CUX2: variants seen among roughly 807,000 people sequenced by gnomAD.
CUX2 encodes cut like homeobox 2.
In CUX2, 40 loss-of-function variants were observed where a neutral mutation model predicts 144.8. The observed-to-expected ratio is 0.28, with a 90% CI of 0.21 to 0.36. CUX2 has a LOEUF of 0.36. CUX2 is among the 10% of genes least tolerant of loss of function. The pLI is 1.00. For synonymous variants in CUX2, 827 were observed against 875.6 expected (o/e 0.94, Z 0.98); for missense variants, 1,615 against 1,994.0 (o/e 0.81, Z 3.62).
In CUX2 at chr12:111,057,129, A is replaced by G. The variant is rs923700133; in HGVS notation, c.63+22889A>G. On this transcript the variant is annotated intron_variant, in intron 1 of 21. Coordinates refer to ENST00000261726, the MANE Select transcript of CUX2 (RefSeq NM_015267.4). The surrounding 1 kb of genome is among the most constrained non-coding windows in gnomAD (Gnocchi z 5.1). Reference sequence around the variant, plus strand: ...TGTGACAGAAAATGGCCAAGCTGCAATGGTTGTGACGGGAGGTTGTGTGAC... The same window carrying G: ...TGTGACAGAAAATGGCCAAGCTGCAGTGGTTGTGACGGGAGGTTGTGTGAC... Among the ~76,000 whole-genome samples, 1 of 151,526 alleles carries G rather than the reference A, an allele frequency of 6.6e-6. No homozygotes were observed. Among genetic ancestry groups the G allele is most frequent in the African/African-American group, 2.4e-5 (1 of 41,136 alleles).
chr12:111,294,144 G>A (rs966659635), intron 6 of CUX2, among the ~76,000 whole-genome samples: 7 of 152,196 alleles, frequency 4.6e-5, no homozygotes, highest in African/African-American at 7.2e-5. Context: ...GACCAGCCTG[G>A]GCTACAGAGC....
At chr12:111,041,649 C>T (rs1018114478) in intron 1 of CUX2, among the ~76,000 whole-genome samples, 6 of 152,212 alleles carry the variant, frequency 3.9e-5, no homozygotes, top group South Asian at 4.1e-4. Context: ...ATCAGGAGCT[C>T]TGGCCACTGT....
intron 4 of CUX2, among the ~76,000 whole-genome samples, chr12:111,288,127 T>G (rs932080804): frequency 2.6e-5 from 4 of 152,010 alleles, no homozygotes; most frequent in African/African-American, 9.7e-5. Context: ...GAAGTGACAT[T>G]TGAGTTGTAC....
chr12:111,091,050 G>A (rs1476272506), intron 1 of CUX2, among the ~76,000 whole-genome samples: 4 of 152,168 alleles, frequency 2.6e-5, no homozygotes, highest in Non-Finnish European at 4.4e-5. Context: ...GCCCGGCTGC[G>A]CCGTGTCCTC....
intron 1 of CUX2, among the ~76,000 whole-genome samples, chr12:111,180,108 C>T (rs1339881978): frequency 6.6e-6 from 1 of 151,424 alleles, no homozygotes; most frequent in African/African-American, 2.4e-5. Context: ...CCCACCCTCC[C>T]CCCACCTCAC....
At chr12:111,106,800 G>A (rs892404367) in intron 1 of CUX2, among the ~76,000 whole-genome samples, 37 of 152,196 alleles carry the variant, frequency 2.4e-4, no homozygotes, top group African/African-American at 8.4e-4. Context: ...CAAAGGCAGG[G>A]AGGCATAGAA....
rs138456247 is a variant in CUX2, at chr12:111,037,956, A to G, written c.63+3716A>G. ...AGGAGCTTGGTCAATAGGATTACAT[A>G]GTACTAATCTGGGAGGAAGGGGCAA... On this transcript the variant is annotated intron_variant, in intron 1 of 21. Transcript: ENST00000261726. This position sits in a 1 kb window ranked among gnomAD's most constrained non-coding sequence, Gnocchi z 5.4. Among the ~76,000 whole-genome samples the G allele has an allele frequency of 2.0e-3, 304 of 152,260 alleles. 1 individual carries two copies. Among genetic ancestry groups the G allele is most frequent in the Non-Finnish European group, 3.7e-3 (253 of 68,006 alleles).
intron 1 of CUX2, among the ~76,000 whole-genome samples, chr12:111,147,843 C>T (rs757702758): frequency 3.3e-5 from 5 of 152,270 alleles, no homozygotes; most frequent in East Asian, 1.9e-4. Flanking sequence ...TCTCAGCAAA[C>T]GAGTCCTCCA....
chr12:111,103,147 G>A (rs1873362686), intron 1 of CUX2, among the ~76,000 whole-genome samples: 1 of 152,170 alleles, frequency 6.6e-6, no homozygotes, highest in East Asian at 1.9e-4. Context: ...CCCTCACTGG[G>A]ATGCTTTGAG....
At position 111,037,553 on chromosome 12, in the gene CUX2, A is replaced by C. The variant is rs1460020073; in HGVS notation, c.63+3313A>C. ...GTGCCACCCTACTCCGGCACTCCTGAAACTACCTCCCCCCGTCTTTGCTTC... is the reference window on the plus strand; with the variant it reads ...GTGCCACCCTACTCCGGCACTCCTGCAACTACCTCCCCCCGTCTTTGCTTC... On this transcript the variant is annotated intron_variant, in intron 1 of 21. Coordinates refer to ENST00000261726, the MANE Select transcript of CUX2 (RefSeq NM_015267.4). The surrounding 1 kb of genome is among the most constrained non-coding windows in gnomAD (Gnocchi z 5.4). Among the ~76,000 whole-genome samples, 1 of 152,214 alleles carries C rather than the reference A, an allele frequency of 6.6e-6. No individual in the cohort carries two copies. The highest frequency in any genetic ancestry group is 6.5e-5 in the Admixed American group (1 of 15,280).
intron 3 of CUX2, among the ~76,000 whole-genome samples, chr12:111,257,300 CTCCCACTTCT>C (rs1463271336): frequency 1.5e-5 from 2 of 134,830 alleles, no homozygotes; most frequent in African/African-American, 5.6e-5. Context: ...CTCCCTCTTC[CTCCCACTTCT>C]TCCTCCTCCT....
intron 1 of CUX2, among the ~76,000 whole-genome samples, chr12:111,174,437 G>A (rs1271720968): frequency 2.0e-5 from 3 of 152,218 alleles, no homozygotes; most frequent in Admixed American, 6.5e-5. Context: ...CTATGTTGAC[G>A]TGACATTAGC....
At position 111,320,787 on chromosome 12, in the gene CUX2, G is replaced by A. The variant is rs1328983603; in HGVS notation, c.2766+12G>A. The A allele has an allele frequency of 6.6e-7, 1 of 1,506,060 alleles. No individual in the cohort carries two copies. Among genetic ancestry groups the A allele is most frequent in the Non-Finnish European group, 8.8e-7 (1 of 1,130,946 alleles). 93.3% of individuals were successfully genotyped at this position (1,506,060 alleles called of 1,614,324 possible). A position where few individuals can be genotyped will look rare whatever the true frequency, so the allele number is the denominator to read the frequency against. On this transcript the variant is annotated intron_variant, in intron 17 of 21. Coordinates refer to ENST00000261726, the MANE Select transcript of CUX2 (RefSeq NM_015267.4). This position sits in a 1 kb window ranked among gnomAD's most constrained non-coding sequence, Gnocchi z 8.1. The stretch of plus-strand genomic sequence containing the variant: ...TCTTCGGGGAGAAGGTGAGTGCAGG[G>A]CGGGCCCCCGGTGTCTGGGCTCTGG...
At chr12:111,226,719 T>C (rs1882164695) in intron 3 of CUX2, among the ~76,000 whole-genome samples, 1 of 152,244 alleles carries the variant, frequency 6.6e-6, no homozygotes, top group South Asian at 2.1e-4. Context: ...AATTGCTTTT[T>C]GGCCTTGTGC....
intron 1 of CUX2, among the ~76,000 whole-genome samples, chr12:111,107,987 G>A (rs1010803852): frequency 4.6e-5 from 7 of 152,126 alleles, no homozygotes; most frequent in Admixed American, 2.6e-4. Flanking sequence ...CACTGATGTC[G>A]TTTTTCTGGT....
chr12:111,334,812 T>TA (rs1888273982), intron 19 of CUX2, 102 bp downstream of exon 19: 4 of 1,300,464 alleles, frequency 3.1e-6, no homozygotes, highest in Admixed American at 2.5e-5. Flanking sequence ...CTCATACCTG[T>TA]AATTCCAGTG....
At chr12:111,109,393 T>C (rs537822452) in intron 1 of CUX2, among the ~76,000 whole-genome samples, 1 of 152,218 alleles carries the variant, frequency 6.6e-6, no homozygotes, top group African/African-American at 2.4e-5. Context: ...TGTAAGCCCA[T>C]AGTTGCAAGT....
intron 3 of CUX2, among the ~76,000 whole-genome samples, chr12:111,229,263 C>T (rs934242539): frequency 2.6e-5 from 4 of 152,180 alleles, no homozygotes; most frequent in Non-Finnish European, 5.9e-5. Flanking sequence ...GACTGCGTGA[C>T]CCCCTAGGGT....
rs138688416 is a variant in CUX2, at chr12:111,052,409, T to C, written c.63+18169T>C. ...ACTGAGCAGCAGAGGGCAGAGCACA[T>C]AGTAGGCCCTCAAAAAAAAAAAAAA... is the stretch of plus-strand genomic sequence containing the variant. On this transcript the variant is annotated intron_variant, in intron 1 of 21. Coordinates refer to ENST00000261726, the MANE Select transcript of CUX2 (RefSeq NM_015267.4). 3.5e-4 allele frequency among the ~76,000 whole-genome samples: 52 copies of C among 149,010 alleles called. No homozygotes were observed. The East Asian group carries it at 9.7e-3, about 28-fold the overall frequency.
Sources: allele counts gnomAD v4.1 joint callset (sites outside exome capture counted in the v4.1 genomes callset), GRCh38; gene constraint gnomAD v4.1.1; non-coding constraint Gnocchi (gnomAD v3.1); transcripts MANE v1.5; gene names NCBI Gene and HGNC (gene_info 2026-07-23, HGNC 2026-07-21).